The following HSF1 variants were observed in gnomAD, a reference collection of about 807,000 sequenced individuals.
HSF1 encodes heat shock transcription factor 1.
In HSF1, 32 loss-of-function variants were observed where a neutral mutation model predicts 51.7. The ratio of observed to expected loss-of-function variants is 0.62; its 90% confidence interval spans 0.47 to 0.83. The LOEUF is 0.83. HSF1 is among the 40% of genes least tolerant of loss of function. The probability of loss-of-function intolerance (pLI) is 0.00; values close to 1 mark genes in which losing one functional copy is unlikely to be tolerated. For missense variants in HSF1, 727 were observed against 717.0 expected (o/e 1.01, Z -0.16); for synonymous variants, 396 against 309.7 (o/e 1.28, Z -2.92).
At position 144,314,413 on chromosome 8, in the gene HSF1, C is replaced by G. The variant is rs961597684; in HGVS notation, c.*83C>G. ...TGGGGAGGCAGGGCAGCCTCGCGGTCTTGGGCACTGGTGGGTCGGCCGCCA... is the reference window on the plus strand; with the variant it reads ...TGGGGAGGCAGGGCAGCCTCGCGGTGTTGGGCACTGGTGGGTCGGCCGCCA... On this transcript the variant is annotated 3_prime_UTR_variant, in exon 13 of 13. Transcript: ENST00000528838. 2.4e-6 allele frequency: 3 copies of G among 1,257,798 alleles called. No individual in the cohort carries two copies. The highest frequency in any genetic ancestry group is 1.5e-5 in the African/African-American group (1 of 66,898). The allele number at this position is 1,257,798 out of a possible 1,614,324, so 77.9% of individuals were successfully genotyped here. A position where few individuals can be genotyped will look rare whatever the true frequency, so the allele number is the denominator to read the frequency against.
At chr8:144,293,212 A>G (rs553385292) in intron 1 of HSF1, among the ~76,000 whole-genome samples, 3 of 152,210 alleles carry the variant, frequency 2.0e-5, no homozygotes, top group Non-Finnish European at 4.4e-5. Context: ...TTACCTACAG[A>G]GTGTTTGGAA....
intron 1 of HSF1, among the ~76,000 whole-genome samples, chr8:144,306,150 CT>C (rs1430307317): frequency 1.2e-4 from 19 of 152,134 alleles, no homozygotes; most frequent in Admixed American, 9.8e-4. Flanking sequence ...CATTCTCATA[CT>C]TTAGTTCTTC....
At chr8:144,313,777 C>CTCCCCGCGCCG in intron 10 of HSF1, 69 bp from the exon 11 acceptor site, 2 of 9,462 alleles carry the variant, frequency 2.1e-4, no homozygotes, top group African/African-American at 1.2e-3. Flanking sequence ...GCCTCCCCGC[C>CTCCCCGCGCCG]CCGCCTCCCC....
intron 9 of HSF1, chr8:144,312,472 C>T: frequency 1.3e-6 from 1 of 745,744 alleles, no homozygotes; most frequent in Admixed American, 2.2e-5. Flanking sequence ...GGGCCCTGCT[C>T]TCAGCCACCC....
chr8:144,309,919 G>A (rs994259007), intron 4 of HSF1, 23 bp downstream of exon 4: 1 of 1,606,524 alleles, frequency 6.2e-7, no homozygotes, highest in South Asian at 1.1e-5. Context: ...CCAGCATTAT[G>A]GGCCACAGCG....
At chr8:144,309,984 G>A (rs1292623369) in intron 4 of HSF1, 88 bp downstream of exon 4, 2 of 1,485,466 alleles carry the variant, frequency 1.3e-6, no homozygotes, top group Non-Finnish European at 1.8e-6. Flanking sequence ...GCCCTGACCG[G>A]GGCCAGGTGC....
At chr8:144,301,870 A>G (rs1815909855) in intron 1 of HSF1, among the ~76,000 whole-genome samples, 1 of 151,116 alleles carries the variant, frequency 6.6e-6, no homozygotes. Flanking sequence ...GTCTCAAAAA[A>G]AATAAAAAGC....
intron 9 of HSF1, 53 bp downstream of exon 9, chr8:144,312,297 G>A (rs1203436381): frequency 5.7e-5 from 74 of 1,299,546 alleles, no homozygotes; most frequent in Non-Finnish European, 7.6e-5. Flanking sequence ...GCACAGCCCT[G>A]GGCTTCAGCC....
At chr8:144,311,647 T>G (rs2130443977) in intron 7 of HSF1, 46 bp downstream of exon 7, 1 of 1,611,630 alleles carries the variant, frequency 6.2e-7, no homozygotes, top group Non-Finnish European at 8.5e-7. Flanking sequence ...CAGGCGGCAG[T>G]GGGGTGGGTT....
At chr8:144,300,744 T>A (rs1815810722) in intron 1 of HSF1, among the ~76,000 whole-genome samples, 2 of 152,136 alleles carry the variant, frequency 1.3e-5, no homozygotes, top group South Asian at 4.1e-4. Context: ...CTGGATGGAT[T>A]TTGGATGATG....
At chr8:144,294,179 A>T (rs912068899) in intron 1 of HSF1, among the ~76,000 whole-genome samples, 3 of 152,088 alleles carry the variant, frequency 2.0e-5, no homozygotes, top group Non-Finnish European at 4.4e-5. Flanking sequence ...CTGACTTAAA[A>T]CTGGAAGGAA....
rs895105641 is a variant in HSF1, at chr8:144,311,438, C to T, written c.626+56C>T. Reference sequence around the variant, plus strand: ...CCCGGGGCCCAGGGCTGTCCCCCTTCTCTGTCAGCTGTGCCCCGGGTACCC... The same window carrying T: ...CCCGGGGCCCAGGGCTGTCCCCCTTTTCTGTCAGCTGTGCCCCGGGTACCC... On this transcript the variant is annotated intron_variant, in intron 6 of 12. Coordinates refer to ENST00000528838, the MANE Select transcript of HSF1 (RefSeq NM_005526.4). 1.2e-4 allele frequency: 192 copies of T among 1,611,904 alleles called. 1 individual carries two copies. Among genetic ancestry groups the T allele is most frequent in the Non-Finnish European group, 1.6e-4 (188 of 1,178,512 alleles).
At position 144,291,901 on chromosome 8, in the gene HSF1, C is replaced by T. The variant is rs1815112120; in HGVS notation, c.117+27C>T. 1 of 1,342,078 alleles carries T rather than the reference C, an allele frequency of 7.5e-7. No individual in the cohort carries two copies. The highest frequency in any genetic ancestry group is 1.5e-5 in the African/African-American group (1 of 65,028). The allele number at this position is 1,342,078 out of a possible 1,614,324, so 83.1% of individuals were successfully genotyped here. A position where few individuals can be genotyped will look rare whatever the true frequency, so the allele number is the denominator to read the frequency against. On this transcript the variant is annotated intron_variant, in intron 1 of 12. Transcript: ENST00000528838. This position sits in a 1 kb window ranked among gnomAD's most constrained non-coding sequence, Gnocchi z 4.1. ...TGAGGGCAGCGCGCGGGCGCGGGGC[C>T]CGTGGGGACCGGGAGGGAGCAGGGC... is the stretch of plus-strand genomic sequence containing the variant.
intron 1 of HSF1, among the ~76,000 whole-genome samples, chr8:144,301,127 A>G (rs553956621): frequency 6.6e-6 from 1 of 152,350 alleles, no homozygotes; most frequent in South Asian, 2.1e-4. Flanking sequence ...ATACAGAAAT[A>G]TGACCAAAAG....
In HSF1 at chr8:144,291,685, C is replaced by G; in HGVS notation, c.-73C>G. On this transcript the variant is annotated 5_prime_UTR_variant, in exon 1 of 13. Transcript: ENST00000528838. The surrounding 1 kb of genome is among the most constrained non-coding windows in gnomAD (Gnocchi z 4.1). ...GGCGGCGCGGCCCGGAAGGCTGGCG[C>G]GGCGACGGCGTTAGCCCGGCCCTCG... is the stretch of plus-strand genomic sequence containing the variant. 1 of 868,878 alleles carries G rather than the reference C, an allele frequency of 1.2e-6. No individual in the cohort carries two copies. The highest frequency in any genetic ancestry group is 1.7e-6 in the Non-Finnish European group (1 of 601,628). The allele number at this position is 868,878 out of a possible 1,614,324, so 53.8% of individuals were successfully genotyped here. A position where few individuals can be genotyped will look rare whatever the true frequency, so the allele number is the denominator to read the frequency against.
intron 1 of HSF1, among the ~76,000 whole-genome samples, chr8:144,305,842 C>T (rs1325904979): frequency 6.8e-6 from 1 of 148,008 alleles, no homozygotes; most frequent in Non-Finnish European, 1.5e-5. Flanking sequence ...AAACAATTCT[C>T]CTGCCTCAGC....
In HSF1 at chr8:144,311,713, C is replaced by A; in HGVS notation, c.737C>A (p.Ala246Asp). The change falls in exon 8 of 13, where the codon GCC (alanine) becomes GAC (aspartate). Residue 246 changes from alanine to aspartate, a missense_variant. Around this residue, in one of 2 missense-constraint regions of HSF1, gnomAD observed 470 missense variants for 398.8 expected, o/e 1.18. Coordinates refer to ENST00000528838, the MANE Select transcript of HSF1 (RefSeq NM_005526.4). ...CTTTGATTGCAGGCCCCCTCCCCAG[C>A]CTACAGCAGCTCCAGCCTCTACGCC... ...GSGPYSAPSP[A>D]YSSSSLYAPD... 1 of 1,611,064 alleles carries A rather than the reference C, an allele frequency of 6.2e-7. No individual in the cohort carries two copies. Among genetic ancestry groups the A allele is most frequent in the Non-Finnish European group, 8.5e-7 (1 of 1,178,660 alleles).
At position 144,314,157 on chromosome 8, in the gene HSF1, C is replaced by T. The variant is rs1554846089; in HGVS notation, c.1417C>T (p.Leu473=). 3 of 1,548,532 alleles carry T rather than the reference C, an allele frequency of 1.9e-6. No homozygotes were observed. Among genetic ancestry groups the T allele is most frequent in the South Asian group, 1.2e-5 (1 of 83,962 alleles). Residue 473 remains leucine (L), a synonymous_variant, in exon 13 of 13, where the codon CTG becomes TTG. Transcript: ENST00000528838. ...KQLVHYTAQP[L]FLLDPGSVDT... is the part of the protein sequence containing the mutation. ...GCTGGTGCACTACACAGCGCAGCCG[C>T]TGTTCCTGCTGGACCCCGGCTCCGT...
chr8:144,302,284 G>A (rs782568399), intron 1 of HSF1, among the ~76,000 whole-genome samples: 6 of 151,006 alleles, frequency 4.0e-5, no homozygotes, highest in Admixed American at 6.6e-5. Flanking sequence ...CGAGGCAGGC[G>A]GATCACAAGG....
Sources: gnomAD v4.1 joint callset for allele counts (sites outside exome capture counted in the v4.1 genomes callset) on GRCh38, gnomAD v4.1.1 for gene constraint, gnomAD v4.1.1 regional missense constraint, Gnocchi (gnomAD v3.1) non-coding constraint, MANE v1.5 for transcripts, NCBI Gene and HGNC (gene_info 2026-07-23, HGNC 2026-07-21) for gene names.